SUPT3H: variants seen among roughly 807,000 people sequenced by gnomAD.
SUPT3H encodes the protein transcription initiation protein SPT3 homolog.
In SUPT3H, 44 loss-of-function variants were observed where a neutral mutation model predicts 44.3. That is an observed-to-expected ratio of 0.99 (90% confidence interval 0.78 to 1.28). SUPT3H has a LOEUF of 1.28. SUPT3H is among the 50% of genes most tolerant of loss of function. The pLI is 0.00. For synonymous variants in SUPT3H, 124 were observed against 125.6 expected (o/e 0.99, Z 0.09); for missense variants, 380 against 387.1 (o/e 0.98, Z 0.15).
chr6:45,249,784 G>C (rs1222771235), intron 2 of SUPT3H, among the ~76,000 whole-genome samples: 2 of 151,982 alleles, frequency 1.3e-5, no homozygotes, highest in Non-Finnish European at 2.9e-5. Flanking sequence ...GAGAAACGCT[G>C]TGTTTGTGAA....
intron 2 of SUPT3H, among the ~76,000 whole-genome samples, chr6:45,127,005 A>C (rs1802537945): frequency 6.6e-6 from 1 of 152,158 alleles, no homozygotes; most frequent in Non-Finnish European, 1.5e-5. Flanking sequence ...CTCCAAAACC[A>C]ATATTATTAA....
rs576292670 is a variant in SUPT3H, at chr6:45,064,669, G to C, written c.186+41253C>G. ...GGCAGGGGTTGCAATCCTAGTCTCT[G>C]ATAAAACAGACTTTAAACCAACAAA... On this transcript the variant is annotated intron_variant, in intron 3 of 10. Coordinates refer to ENST00000371459, the MANE Select transcript of SUPT3H (RefSeq NM_003599.4). Among the ~76,000 whole-genome samples the C allele has an allele frequency of 8.5e-4, 111 of 130,578 alleles. 4 individuals carry two copies. In the South Asian group the frequency reaches 0.03, roughly 35 times the overall value. The allele number at this position is 130,578 out of a possible 152,430, so 85.7% of individuals were successfully genotyped here. A position where few individuals can be genotyped will look rare whatever the true frequency, so the allele number is the denominator to read the frequency against.
chr6:45,074,920 CATATACT>C (rs1794819028), intron 3 of SUPT3H, among the ~76,000 whole-genome samples: 1 of 151,990 alleles, frequency 6.6e-6, no homozygotes. Context: ...AATAAACATA[CATATACT>C]GAGTTTCTGC....
intron 2 of SUPT3H, among the ~76,000 whole-genome samples, chr6:45,257,349 C>T (rs931748751): frequency 1.3e-5 from 2 of 152,122 alleles, no homozygotes; most frequent in Non-Finnish European, 2.9e-5. Context: ...TGGCTCCATG[C>T]CCAGAATTTT....
chr6:45,096,041 C>T (rs908511201), intron 3 of SUPT3H, among the ~76,000 whole-genome samples: 3 of 151,986 alleles, frequency 2.0e-5, no homozygotes. Context: ...CGCTATGTTC[C>T]AGGAATTTCA....
chr6:45,334,449 C>CAAAAAA (rs551014969), intron 2 of SUPT3H, among the ~76,000 whole-genome samples: 1,372 of 90,298 alleles, frequency 0.015, 1 homozygote, highest in African/African-American at 0.018. Flanking sequence ...TCAGGAAAAG[C>CAAAAAA]AAAAAAAAAA....
At chr6:45,036,291 A>C (rs1329713) in intron 3 of SUPT3H, among the ~76,000 whole-genome samples, 61,811 of 151,860 alleles carry the variant, frequency 0.41, 12,933 homozygotes, top group East Asian at 0.7. Flanking sequence ...ACCCCATGCA[A>C]AGGGAATAGG....
At chr6:45,022,683 C>T (rs373372269) in intron 3 of SUPT3H, among the ~76,000 whole-genome samples, 1 of 152,046 alleles carries the variant, frequency 6.6e-6, no homozygotes, top group East Asian at 1.9e-4. Flanking sequence ...CCTGCCTATC[C>T]CGGATGTGTC....
Position 45,125,393 on chromosome 6 carries a change from C to A in SUPT3H, c.102-19387G>T, listed in dbSNP as rs544666357. Among the ~76,000 whole-genome samples, 3 of 151,888 alleles carry A rather than the reference C, an allele frequency of 2.0e-5. No individual in the cohort carries two copies. In the East Asian group the frequency reaches 5.8e-4, roughly 29 times the overall value. On this transcript the variant is annotated intron_variant, in intron 2 of 10. Coordinates refer to ENST00000371459, the MANE Select transcript of SUPT3H (RefSeq NM_003599.4). ...ATTTTTTTTCTACAATACTTTGAAC[C>A]AAATTTTGTTTGGTTTTTGGGTTGT...
intron 9 of SUPT3H, among the ~76,000 whole-genome samples, chr6:44,951,497 A>G (rs1369083091): frequency 6.6e-6 from 1 of 152,064 alleles, no homozygotes; most frequent in African/African-American, 2.4e-5. Flanking sequence ...CCAGTCTCTG[A>G]ATATTCATCT....
At chr6:44,852,128 A>T (rs1425478727) in intron 10 of SUPT3H, among the ~76,000 whole-genome samples, 2 of 152,058 alleles carry the variant, frequency 1.3e-5, no homozygotes, top group African/African-American at 4.8e-5. Context: ...TTTAATTTTC[A>T]CTGTATTCTA....
intron 3 of SUPT3H, chr6:45,099,253 T>C (rs79658705): frequency 0.019 from 3,714 of 191,988 alleles, 147 homozygotes; most frequent in African/African-American, 0.082. Flanking sequence ...CCAGAAAACA[T>C]AGGAAACCCT....
chr6:45,100,613 T>C (rs1401709585), intron 3 of SUPT3H, among the ~76,000 whole-genome samples: 1 of 132,184 alleles, frequency 7.6e-6, no homozygotes, highest in Non-Finnish European at 1.6e-5. Flanking sequence ...ATGTCACTAA[T>C]CATCAGGGAA....
rs187544352 is a variant in SUPT3H, at chr6:45,352,226, C to T, written c.101+12975G>A. Among the ~76,000 whole-genome samples the T allele has an allele frequency of 2.5e-3, 382 of 152,214 alleles. 1 individual carries two copies. The highest frequency in any genetic ancestry group is 6.8e-3 in the South Asian group (33 of 4,826). ...AAAGGACTTACAAATAACCTTTGAT[C>T]GTCTACCTGACAATTTCAGCCTTAG... On this transcript the variant is annotated intron_variant, in intron 2 of 10. Transcript: ENST00000371459.
At chr6:45,152,704 C>G (rs1490687815) in intron 2 of SUPT3H, among the ~76,000 whole-genome samples, 1 of 152,082 alleles carries the variant, frequency 6.6e-6, no homozygotes, top group African/African-American at 2.4e-5. Flanking sequence ...GTTGGCCAGG[C>G]TGGTCTCAAA....
At chr6:44,987,635 CTT>C (rs932802518) in intron 6 of SUPT3H, among the ~76,000 whole-genome samples, 114 of 152,218 alleles carry the variant, frequency 7.5e-4, no homozygotes, top group African/African-American at 2.6e-3. Context: ...AATGTAACCT[CTT>C]TTGAGAAGTT....
rs925965943 is a variant in SUPT3H at position 45,291,969 on chromosome 6, T to C, written c.101+73232A>G. Among the ~76,000 whole-genome samples the C allele has an allele frequency of 2.0e-5, 3 of 152,266 alleles. No individual in the cohort carries two copies. The South Asian group carries it at 6.2e-4, about 32-fold the overall frequency. ...GCAAAATTCATCACAAAAAGATTAC[T>C]GCCTAGGCACACTGACATCAGGTTA... On this transcript the variant is annotated intron_variant, in intron 2 of 10. Coordinates refer to ENST00000371459, the MANE Select transcript of SUPT3H (RefSeq NM_003599.4).
At chr6:45,176,464 A>T (rs1250769515) in intron 2 of SUPT3H, among the ~76,000 whole-genome samples, 1 of 152,150 alleles carries the variant, frequency 6.6e-6, no homozygotes, top group African/African-American at 2.4e-5. Context: ...CAGCAGTCTG[A>T]GATCAAACTG....
chr6:44,981,869 GAAA>G (rs374909903), intron 6 of SUPT3H, among the ~76,000 whole-genome samples: 2 of 129,078 alleles, frequency 1.5e-5, no homozygotes, highest in African/African-American at 2.9e-5. Context: ...TACATGACAT[GAAA>G]AAAAAAAAAA....
Sources: allele counts gnomAD v4.1 joint callset (sites outside exome capture counted in the v4.1 genomes callset), GRCh38; gene constraint gnomAD v4.1.1; transcripts MANE v1.5; gene names NCBI Gene and HGNC (gene_info 2026-07-23, HGNC 2026-07-21).